MLIP: variants seen among roughly 807,000 people sequenced by gnomAD.
MLIP encodes muscular LMNA-interacting protein.
In MLIP, 79 loss-of-function variants were observed where a neutral mutation model predicts 84.8. That is an observed-to-expected ratio of 0.93 (90% CI 0.78 to 1.12). The LOEUF is 1.12. MLIP is among the 50% of genes most tolerant of loss of function. MLIP has a pLI of 0.00. For missense variants in MLIP, 1,257 were observed against 1,160.6 expected, an observed-to-expected ratio of 1.08 and a Z score of -1.21; for synonymous variants, 504 against 463.0, an observed-to-expected ratio of 1.09 and a Z score of -1.14.
rs193144050 is a variant in MLIP at position 54,023,146 on chromosome 6, G to A, written c.63+4055G>A. Among the ~76,000 whole-genome samples, 7 of 148,444 alleles carry A rather than the reference G, an allele frequency of 4.7e-5. 1 individual carries two copies. In the South Asian group the frequency reaches 6.4e-4, roughly 14 times the overall value. The stretch of plus-strand genomic sequence containing the variant: ...TGCGCCACTGCACTCCAGCCTGGGC[G>A]ACAGAGCGAGACTCCATCTCAAAAA... On this transcript the variant is annotated intron_variant, in intron 1 of 12. Coordinates refer to the MLIP transcript ENST00000274897.
chr6:54,027,114 A>G (rs1039338259), intron 1 of MLIP, among the ~76,000 whole-genome samples: 3 of 152,150 alleles, frequency 2.0e-5, no homozygotes, highest in African/African-American at 7.2e-5. Flanking sequence ...AGTCCTTGTT[A>G]TTAGATGAAA....
At chr6:54,030,525 T>C (rs976009457) in intron 1 of MLIP, 1 of 151,872 alleles carries the variant, frequency 6.6e-6, no homozygotes, top group African/African-American at 2.4e-5. Context: ...AGAACATAAG[T>C]ACACGATTGA....
chr6:54,209,215 G>C (rs1779248987), intron 11 of MLIP, among the ~76,000 whole-genome samples: 3 of 152,152 alleles, frequency 2.0e-5, no homozygotes, highest in Non-Finnish European at 1.5e-5. Context: ...GTTACATGAA[G>C]ATAATTGGGA....
chr6:54,261,640 C>T lies in MLIP; in HGVS notation c.2976+4279C>T, dbSNP rs1423357580. ...TATTTTATTTTGAATTTCAGAACCTCCACTGATGTCTAAGGTTCTAAGAGT... is the reference window on the plus strand; with the variant it reads ...TATTTTATTTTGAATTTCAGAACCTTCACTGATGTCTAAGGTTCTAAGAGT... On this transcript the variant is annotated intron_variant, in intron 13 of 13. Coordinates refer to ENST00000502396, the MANE Select transcript of MLIP (RefSeq NM_001281747.2). 5 of 984,322 alleles carry T rather than the reference C, an allele frequency of 5.1e-6. No individual in the cohort carries two copies. The African/African-American group carries it at 7.0e-5, about 14-fold the overall frequency. 61.0% of individuals were successfully genotyped at this position (984,322 alleles called of 1,614,324 possible). A position where few individuals can be genotyped will look rare whatever the true frequency, so the allele number is the denominator to read the frequency against.
chr6:54,153,522 G>T (rs55760696), intron 5 of MLIP, among the ~76,000 whole-genome samples: 1 of 151,944 alleles, frequency 6.6e-6, no homozygotes, highest in African/African-American at 2.4e-5. Flanking sequence ...TCTTATTAAA[G>T]ATATTTCCTT....
chr6:54,123,315 A>C (rs1770630133), intron 2 of MLIP, among the ~76,000 whole-genome samples: 1 of 152,336 alleles, frequency 6.6e-6, no homozygotes, highest in East Asian at 1.9e-4. Flanking sequence ...AAGACAATTC[A>C]TATAGCTTAC....
intron 11 of MLIP, among the ~76,000 whole-genome samples, chr6:54,227,415 G>A (rs1005647893): frequency 2.0e-5 from 3 of 152,100 alleles, no homozygotes; most frequent in Admixed American, 2.0e-4. Flanking sequence ...AAAGAGAAGA[G>A]AGAAGAAAAA....
intron 4 of MLIP, among the ~76,000 whole-genome samples, chr6:54,138,700 A>C (rs1452796298): frequency 6.6e-6 from 1 of 152,192 alleles, no homozygotes; most frequent in African/African-American, 2.4e-5. Flanking sequence ...TACTGATGGA[A>C]TAGTAGACAG....
chr6:54,243,240 A>T (rs1299816153), intron 12 of MLIP, among the ~76,000 whole-genome samples: 1 of 152,178 alleles, frequency 6.6e-6, no homozygotes, highest in Non-Finnish European at 1.5e-5. Flanking sequence ...CTGAGGCCTG[A>T]AAAGAAGTGA....
At chr6:54,240,779 A>G (rs1781683904) in intron 12 of MLIP, among the ~76,000 whole-genome samples, 1 of 152,174 alleles carries the variant, frequency 6.6e-6, no homozygotes, top group Admixed American at 6.5e-5. Context: ...GTTCCAGACC[A>G]TCCTGGCCAA....
chr6:54,147,328 G>A (rs993370204), intron 4 of MLIP, among the ~76,000 whole-genome samples: 1 of 152,102 alleles, frequency 6.6e-6, no homozygotes, highest in Non-Finnish European at 1.5e-5. Flanking sequence ...AATTAAATGA[G>A]TAATAGTAAT....
intron 3 of MLIP, among the ~76,000 whole-genome samples, chr6:54,134,799 G>C (rs1294900166): frequency 6.6e-6 from 1 of 152,012 alleles, no homozygotes; most frequent in African/African-American, 2.4e-5. Context: ...GGAAACAGCA[G>C]AACTGAAAAG....
At chr6:54,106,480 C>A (rs573022417), upstream of MLIP, among the ~76,000 whole-genome samples, 12 of 151,992 alleles carry the variant, frequency 7.9e-5, no homozygotes, top group African/African-American at 2.9e-4. Context: ...GGCAATGATT[C>A]GGAAAGAAGA....
intron 13 of MLIP, among the ~76,000 whole-genome samples, chr6:54,261,208 C>T (rs936285411): frequency 1.3e-5 from 2 of 152,026 alleles, no homozygotes; most frequent in African/African-American, 4.8e-5. Context: ...TTCAGCAACT[C>T]TTCTATCCAC....
At chr6:54,125,635 C>G (rs772119123) in intron 3 of MLIP, among the ~76,000 whole-genome samples, 1 of 152,084 alleles carries the variant, frequency 6.6e-6, no homozygotes, top group Non-Finnish European at 1.5e-5. Context: ...AGGTGACTGA[C>G]GAAGTGTAGT....
chr6:54,178,663 G>C (rs1397891409), intron 9 of MLIP, among the ~76,000 whole-genome samples: 1 of 151,872 alleles, frequency 6.6e-6, no homozygotes, highest in Non-Finnish European at 1.5e-5. Flanking sequence ...GGTCATTCAG[G>C]AGCATATTGT....
chr6:54,160,785 T>C lies in MLIP; in HGVS notation c.2485T>C (p.Ser829Pro). Residue 829 changes from serine (S) to proline (P), a missense_variant, in exon 8 of 14, where the codon TCT (serine) becomes CCT (proline). By Grantham distance (74) the Ser-to-Pro change is moderately conservative (BLOSUM62 -1). Coordinates refer to ENST00000502396, the MANE Select transcript of MLIP (RefSeq NM_001281747.2). ...AAGGTCCCCAAAGACATTGTTGGGT[T>C]CTGACACAGTCAAAGTATGTATGTA... ...PSRSPKTLLG[S>P]DTVKTPTTLP... 6.2e-7 allele frequency: 1 copy of C among 1,605,898 alleles called. No individual in the cohort carries two copies. Among genetic ancestry groups the C allele is most frequent in the Non-Finnish European group, 8.5e-7 (1 of 1,173,322 alleles).
At chr6:54,126,889 G>A (rs1770964784) in intron 3 of MLIP, among the ~76,000 whole-genome samples, 1 of 152,102 alleles carries the variant, frequency 6.6e-6, no homozygotes. Flanking sequence ...TCATTGATAA[G>A]CTATTCCTAA....
intron 12 of MLIP, among the ~76,000 whole-genome samples, chr6:54,237,111 G>C (rs1389390568): frequency 6.6e-6 from 1 of 151,858 alleles, no homozygotes; most frequent in Non-Finnish European, 1.5e-5. Flanking sequence ...TATTTTGGGA[G>C]GTGGTTCCAG....
Sources: allele counts gnomAD v4.1 joint callset (sites outside exome capture counted in the v4.1 genomes callset), GRCh38; gene constraint gnomAD v4.1.1; transcripts MANE v1.5; gene names NCBI Gene and HGNC (gene_info 2026-07-23, HGNC 2026-07-21).